Variants in PRKACA observed in about 807,000 individuals in gnomAD.
PRKACA encodes cAMP-dependent protein kinase catalytic subunit alpha.
A neutral mutation model predicts 45.8 loss-of-function variants in PRKACA; 9 were observed. That is an observed-to-expected ratio of 0.20 (90% CI 0.12 to 0.34). The LOEUF (loss-of-function observed/expected upper bound fraction) is 0.34, where lower values mean the gene tolerates loss of function less well. PRKACA is among the 10% of genes least tolerant of loss of function. The probability of loss-of-function intolerance (pLI) is 1.00; values close to 1 mark genes in which losing one functional copy is unlikely to be tolerated. For synonymous variants in PRKACA, 160 were observed against 178.6 expected (o/e 0.90, Z 0.83); for missense variants, 238 against 458.6 (o/e 0.52, Z 4.39).
At chr19:14,112,849 G>A (rs1399599279) in intron 1 of PRKACA, among the ~76,000 whole-genome samples, 1 of 152,202 alleles carries the variant, frequency 6.6e-6, no homozygotes, top group Non-Finnish European at 1.5e-5. Flanking sequence ...TGCCCACTGG[G>A]CAGAGGGGAA....
chr19:14,114,389 G>T (rs1446117332), intron 1 of PRKACA, among the ~76,000 whole-genome samples: 1 of 152,156 alleles, frequency 6.6e-6, no homozygotes, highest in Non-Finnish European at 1.5e-5. Flanking sequence ...GAGCTGCCTT[G>T]ATAAGACCTC....
chr19:14,109,979 T>A (rs1412073625), intron 1 of PRKACA, among the ~76,000 whole-genome samples: 1 of 83,572 alleles, frequency 1.2e-5, no homozygotes, highest in African/African-American at 5.1e-5. Context: ...TATATATATA[T>A]ATATATATAT....
At chr19:14,105,649 G>C (rs41296276) in intron 3 of PRKACA, among the ~76,000 whole-genome samples, 13,401 of 151,842 alleles carry the variant, frequency 0.088, 1,916 homozygotes, top group African/African-American at 0.3. Context: ...CTGTGTTGTC[G>C]AGGCTGGAGT....
intron 3 of PRKACA, among the ~76,000 whole-genome samples, chr19:14,105,195 T>A (rs1406350501): frequency 2.0e-5 from 3 of 152,170 alleles, no homozygotes; most frequent in African/African-American, 7.2e-5. Context: ...AGGGTAATAC[T>A]GTAGATATAC....
At chr19:14,105,798 G>A (rs1041863074) in intron 3 of PRKACA, among the ~76,000 whole-genome samples, 3 of 152,196 alleles carry the variant, frequency 2.0e-5, no homozygotes, top group African/African-American at 7.2e-5. Context: ...TGTGGCTCAG[G>A]TTACATTTCT....
intron 4 of PRKACA, 35 bp from the exon 5 acceptor site, chr19:14,100,943 C>G: frequency 1.3e-6 from 2 of 1,596,784 alleles, no homozygotes; most frequent in South Asian, 1.1e-5. Context: ...GGGCCCACCC[C>G]TGAGACTTGG....
intron 1 of PRKACA, among the ~76,000 whole-genome samples, chr19:14,110,932 C>G (rs1193029732): frequency 2.0e-5 from 3 of 152,248 alleles, no homozygotes; most frequent in Admixed American, 2.0e-4. Flanking sequence ...CTTCAACCCC[C>G]TGATGTTCCT....
intron 5 of PRKACA, among the ~76,000 whole-genome samples, chr19:14,099,430 G>A (rs568598966): frequency 1.2e-3 from 181 of 151,708 alleles, no homozygotes; most frequent in African/African-American, 3.9e-3. Context: ...GCGTGATCAC[G>A]GCTTATGCAG....
intron 8 of PRKACA, 114 bp from the exon 9 acceptor site, chr19:14,093,906 G>T: frequency 8.8e-7 from 1 of 1,131,350 alleles, no homozygotes; most frequent in Non-Finnish European, 1.2e-6. Context: ...AAAGCAGAGT[G>T]CCTGCCAGCA....
In PRKACA at chr19:14,097,746, G is replaced by A. The variant is rs1386700760; in HGVS notation, c.546+18C>T. ...CACGGCTTCCCCAGGGCTGCCCCTC[G>A]CCCGGCCTGGTGGGCACCTGAATGT... is the stretch of plus-strand genomic sequence containing the variant. On this transcript the variant is annotated intron_variant, in intron 6 of 9. Coordinates refer to ENST00000308677, the MANE Select transcript of PRKACA (RefSeq NM_002730.4). This position sits in a 1 kb window ranked among gnomAD's most constrained non-coding sequence, Gnocchi z 5.4. 3.0e-5 allele frequency: 49 copies of A among 1,613,976 alleles called. No individual in the cohort carries two copies. The highest frequency in any genetic ancestry group is 3.5e-5 in the Non-Finnish European group (41 of 1,179,994).
intron 5 of PRKACA, chr19:14,098,526 C>T (rs1316801873): frequency 2.0e-5 from 3 of 150,900 alleles, no homozygotes; most frequent in Admixed American, 6.6e-5. Flanking sequence ...AAGACAGTCT[C>T]GCTCTCTTGC....
Position 14,107,428 on chromosome 19 carries a change from A to G in PRKACA, c.47-19T>C. On this transcript the variant is annotated intron_variant, in intron 1 of 9. Coordinates refer to ENST00000308677, the MANE Select transcript of PRKACA (RefSeq NM_002730.4). ...TCTTTCACTGAAAGGGAGAGAGGGG[A>G]GAGTTATACAGAGACGCCCGTCTCA... is the stretch of plus-strand genomic sequence containing the variant. The G allele has an allele frequency of 6.2e-7, 1 of 1,609,652 alleles. No homozygotes were observed. Among genetic ancestry groups the G allele is most frequent in the South Asian group, 1.1e-5 (1 of 90,952 alleles).
At chr19:14,109,611 C>T (rs1344789200) in intron 1 of PRKACA, among the ~76,000 whole-genome samples, 2 of 147,678 alleles carry the variant, frequency 1.4e-5, no homozygotes, top group South Asian at 2.1e-4. Context: ...GAGCAAGACT[C>T]GTCTAAGAAA....
At chr19:14,093,934 T>A (rs1977170491) in intron 8 of PRKACA, 142 bp from the exon 9 acceptor site, 1 of 825,964 alleles carries the variant, frequency 1.2e-6, no homozygotes, top group African/African-American at 1.7e-5. Flanking sequence ...AAACAGCTCC[T>A]TGAGCCTACC....
At chr19:14,106,958 ATCCCCTCTGCCACC>A in intron 2 of PRKACA, 70 bp from the exon 3 acceptor site, 1 of 1,578,786 alleles carries the variant, frequency 6.3e-7, no homozygotes, top group South Asian at 1.1e-5. Context: ...GGTCTGGGGC[ATCCCCTCTGCCACC>A]GGCAGAGGGG....
chr19:14,100,797 C>G, intron 5 of PRKACA, 29 bp downstream of exon 5: 1 of 1,609,214 alleles, frequency 6.2e-7, no homozygotes, highest in Non-Finnish European at 8.5e-7. Context: ...ACCCTGACAG[C>G]CTGATGTGAT....
At chr19:14,094,471 G>A (rs371240856) in intron 8 of PRKACA, among the ~76,000 whole-genome samples, 15 of 152,354 alleles carry the variant, frequency 9.8e-5, no homozygotes, top group Middle Eastern at 3.4e-3. Flanking sequence ...TTACAGGTGT[G>A]AGCCACCGTG....
intron 2 of PRKACA, among the ~76,000 whole-genome samples, 160 bp downstream of exon 2, chr19:14,107,188 G>A (rs533997717): frequency 1.1e-4 from 17 of 152,276 alleles, no homozygotes; most frequent in African/African-American, 3.8e-4. Context: ...GCAGTCAGGT[G>A]TCTCCACACA....
At chr19:14,101,465 C>T (rs1977440406) in intron 4 of PRKACA, among the ~76,000 whole-genome samples, 2 of 152,094 alleles carry the variant, frequency 1.3e-5, no homozygotes, top group Non-Finnish European at 1.5e-5. Flanking sequence ...ACTCAGGAGA[C>T]TGAGGTGGGA....
Sources: allele counts gnomAD v4.1 joint callset (sites outside exome capture counted in the v4.1 genomes callset), GRCh38; gene constraint gnomAD v4.1.1; non-coding constraint Gnocchi (gnomAD v3.1); transcripts MANE v1.5; gene names NCBI Gene and HGNC (gene_info 2026-07-23, HGNC 2026-07-21).